Variants in XXYLT1 observed in about 807,000 individuals in gnomAD.
XXYLT1 encodes UDP-xylose:alpha-xyloside alpha-1,3-xylosyltransferase.
In XXYLT1, 20 loss-of-function variants were observed where a neutral mutation model predicts 28.9. The ratio of observed to expected loss-of-function variants is 0.69; its 90% confidence interval spans 0.49 to 1.00. The LOEUF (loss-of-function observed/expected upper bound fraction) is 1.00. Ranked by LOEUF, XXYLT1 falls within the 50% of genes least tolerant of loss-of-function variation. The pLI is 0.00. For missense variants in XXYLT1, 542 were observed against 560.1 expected (o/e 0.97, Z 0.33); for synonymous variants, 257 against 253.8 (o/e 1.01, Z -0.12).
At chr3:195,109,690 T>C (rs559116294) in intron 3 of XXYLT1, among the ~76,000 whole-genome samples, 2 of 46,316 alleles carry the variant, frequency 4.3e-5, no homozygotes, top group African/African-American at 1.6e-4. Flanking sequence ...TATGAGTGTG[T>C]GTGGTGTCTG....
chr3:195,196,408 C>T (rs2410807), intron 2 of XXYLT1, among the ~76,000 whole-genome samples: 12,200 of 152,204 alleles, frequency 0.08, 757 homozygotes, highest in East Asian at 0.28. Flanking sequence ...GCCTCCTCCC[C>T]ATCCCCGCCA....
At chr3:195,161,627 T>G (rs1288731467) in intron 2 of XXYLT1, among the ~76,000 whole-genome samples, 1 of 147,120 alleles carries the variant, frequency 6.8e-6, no homozygotes, top group East Asian at 2.3e-4. Context: ...GATATATAGA[T>G]ATATAGATTT....
Position 195,271,081 on chromosome 3 carries a change from G to T in XXYLT1, c.-23C>A. ...CATGCGCTACGAGACCGCGGCGCCAGCGGTGCCAGCAACGCGGGAGAGCCC... is the reference window on the plus strand; with the variant it reads ...CATGCGCTACGAGACCGCGGCGCCATCGGTGCCAGCAACGCGGGAGAGCCC... On this transcript the variant is annotated 5_prime_UTR_variant, in exon 1 of 4. It adds an upstream start codon to the 5' untranslated region. Coordinates refer to ENST00000310380, the MANE Select transcript of XXYLT1 (RefSeq NM_152531.5). The T allele has an allele frequency of 1.5e-6, 2 of 1,315,528 alleles. No homozygotes were observed. The highest frequency in any genetic ancestry group is 1.9e-6 in the Non-Finnish European group (2 of 1,035,892). 81.5% of individuals were successfully genotyped at this position (1,315,528 alleles called of 1,614,324 possible). A position where few individuals can be genotyped will look rare whatever the true frequency, so the allele number is the denominator to read the frequency against.
At chr3:195,114,455 T>C (rs1717940389) in intron 3 of XXYLT1, among the ~76,000 whole-genome samples, 1 of 152,230 alleles carries the variant, frequency 6.6e-6, no homozygotes, top group Non-Finnish European at 1.5e-5. Context: ...ACCTGCTCTG[T>C]GTACGGTCCT....
intron 1 of XXYLT1, among the ~76,000 whole-genome samples, chr3:195,261,815 G>C (rs982293789): frequency 5.9e-5 from 9 of 152,200 alleles, no homozygotes; most frequent in Admixed American, 5.2e-4. Flanking sequence ...ACTAAAATGA[G>C]ATATCACTTC....
chr3:195,208,350 G>A lies in XXYLT1; in HGVS notation c.652+18359C>T, dbSNP rs190619996. Among the ~76,000 whole-genome samples, 13 of 152,246 alleles carry A rather than the reference G, an allele frequency of 8.5e-5. No homozygotes were observed. The East Asian group carries it at 2.5e-3, about 29-fold the overall frequency. Reference sequence around the variant, plus strand: ...GCACAGCACAGCATCCAGTCTCGGTGTCAGCTCTATATCTGAGAGTGGCAG... The same window carrying A: ...GCACAGCACAGCATCCAGTCTCGGTATCAGCTCTATATCTGAGAGTGGCAG... On this transcript the variant is annotated intron_variant, in intron 2 of 3. Transcript: ENST00000310380.
chr3:195,214,431 C>G (rs1723467069), intron 2 of XXYLT1, among the ~76,000 whole-genome samples: 1 of 152,062 alleles, frequency 6.6e-6, no homozygotes, highest in Admixed American at 6.5e-5. Flanking sequence ...CATGTCCATC[C>G]TAAACCAGCC....
chr3:195,112,590 C>T (rs1234735754), intron 3 of XXYLT1, among the ~76,000 whole-genome samples: 2 of 148,528 alleles, frequency 1.3e-5, no homozygotes, highest in Non-Finnish European at 3.0e-5. Context: ...CACGCACACA[C>T]ACACACGCAT....
Position 195,105,219 on chromosome 3 carries a change from C to T in XXYLT1, c.786-35108G>A, listed in dbSNP as rs191664395. On this transcript the variant is annotated intron_variant, in intron 3 of 3. Coordinates refer to ENST00000310380, the MANE Select transcript of XXYLT1 (RefSeq NM_152531.5). The stretch of plus-strand genomic sequence containing the variant: ...AGGTGAATGTCAAGGGGACCTGGGA[C>T]ACAACCAAGTGTGTCAAAGTGTGTC... Among the ~76,000 whole-genome samples, 87 of 152,306 alleles carry T rather than the reference C, an allele frequency of 5.7e-4. 1 individual carries two copies. The highest frequency in any genetic ancestry group is 9.4e-4 in the Non-Finnish European group (64 of 68,034).
At chr3:195,219,207 C>G (rs1218808931) in intron 2 of XXYLT1, among the ~76,000 whole-genome samples, 1 of 151,656 alleles carries the variant, frequency 6.6e-6, no homozygotes, top group Non-Finnish European at 1.5e-5. Context: ...GGAGATATAC[C>G]TAATGCTAGA....
At chr3:195,114,865 C>T (rs1717962092) in intron 3 of XXYLT1, among the ~76,000 whole-genome samples, 1 of 152,232 alleles carries the variant, frequency 6.6e-6, no homozygotes, top group African/African-American at 2.4e-5. Flanking sequence ...TCAGTGGTCT[C>T]CCTGCCGGTG....
At chr3:195,270,359 A>T (rs1725978871) in intron 1 of XXYLT1, 196 bp downstream of exon 1, 2 of 877,222 alleles carry the variant, frequency 2.3e-6, no homozygotes, top group African/African-American at 1.8e-5. Flanking sequence ...ACTCCTCAGC[A>T]CCAGCTGAGG....
At chr3:195,079,414 G>A (rs59757814) in intron 3 of XXYLT1, among the ~76,000 whole-genome samples, 29,663 of 152,080 alleles carry the variant, frequency 0.2, 4,148 homozygotes, top group African/African-American at 0.39. Flanking sequence ...ACAGACTGAA[G>A]AAATACAGGG....
At chr3:195,109,557 T>C (rs1282422161) in intron 3 of XXYLT1, among the ~76,000 whole-genome samples, 27 of 145,546 alleles carry the variant, frequency 1.9e-4, no homozygotes, top group African/African-American at 6.4e-4. Flanking sequence ...GGTGTGTGTG[T>C]GCATGGTGTG....
rs191198049 is a variant in XXYLT1 at position 195,170,840 on chromosome 3, C to T, written c.653-14259G>A. ...GGAGGATCCCTTGAGCACAGGAGTTCGAGTCCAGCCTGGGCAATGTAGTGA... is the reference window on the plus strand; with the variant it reads ...GGAGGATCCCTTGAGCACAGGAGTTTGAGTCCAGCCTGGGCAATGTAGTGA... On this transcript the variant is annotated intron_variant, in intron 2 of 3. Coordinates refer to ENST00000310380, the MANE Select transcript of XXYLT1 (RefSeq NM_152531.5). 1.7e-3 allele frequency among the ~76,000 whole-genome samples: 255 copies of T among 151,752 alleles called. 1 individual carries two copies. The highest frequency in any genetic ancestry group is 3.1e-3 in the Non-Finnish European group (209 of 67,964).
In XXYLT1 at chr3:195,150,453, G is replaced by A. The variant is rs186412630; in HGVS notation, c.785+5996C>T. ...CTGCAGAGAAGCTTTCCTTCCGAGC[G>A]TCTGGAAGAACCCGAGGCTGGCACA... On this transcript the variant is annotated intron_variant, in intron 3 of 3. Coordinates refer to ENST00000310380, the MANE Select transcript of XXYLT1 (RefSeq NM_152531.5). This position sits in a 1 kb window ranked among gnomAD's most constrained non-coding sequence, Gnocchi z 4.7. Among the ~76,000 whole-genome samples the A allele has an allele frequency of 1.4e-4, 21 of 152,328 alleles. No individual in the cohort carries two copies. Among genetic ancestry groups the A allele is most frequent in the East Asian group, 7.7e-4 (4 of 5,192 alleles).
chr3:195,100,842 TG>T (rs1192729248), intron 3 of XXYLT1, among the ~76,000 whole-genome samples: 2 of 152,242 alleles, frequency 1.3e-5, no homozygotes, highest in Admixed American at 1.3e-4. Flanking sequence ...GTGAGTTCTT[TG>T]GGGACAGAGA....
chr3:195,265,404 G>T (rs1014935095), intron 1 of XXYLT1, among the ~76,000 whole-genome samples: 3 of 152,160 alleles, frequency 2.0e-5, no homozygotes, highest in Non-Finnish European at 2.9e-5. Context: ...AAGGTGATGG[G>T]AAAGATGAAG....
Position 195,226,869 on chromosome 3 carries a change from C to CA in XXYLT1, c.505-14dup, listed in dbSNP as rs770178883. On this transcript the variant is annotated splice_polypyrimidine_tract_variant and intron_variant, in intron 1 of 3. Transcript: ENST00000310380. The stretch of plus-strand genomic sequence containing the variant: ...CGTGGAAGATGACCTGCAGCAGGTG[C>CA]AAAAAAAACCAAGGCTCAGCAAACC... The CA allele has an allele frequency of 1.0e-5, 16 of 1,604,268 alleles. No homozygotes were observed. The highest frequency in any genetic ancestry group is 2.7e-5 in the African/African-American group (2 of 73,882).
Sources: allele counts gnomAD v4.1 joint callset (sites outside exome capture counted in the v4.1 genomes callset), GRCh38; gene constraint gnomAD v4.1.1; non-coding constraint Gnocchi (gnomAD v3.1); transcripts MANE v1.5; gene names NCBI Gene and HGNC (gene_info 2026-07-23, HGNC 2026-07-21).